The following ST18 variants were observed in gnomAD, a reference collection of about 807,000 sequenced individuals.
ST18 encodes ST18 C2H2C-type zinc finger transcription factor.
A neutral mutation model predicts 110.0 loss-of-function variants in ST18; 50 were observed. The observed-to-expected ratio is 0.45, with a 90% CI of 0.36 to 0.58. ST18 has a LOEUF of 0.58. Among genes scored for constraint, ST18 ranks in the 20% least tolerant of loss-of-function variants. The probability of loss-of-function intolerance (pLI) is 0.00; values close to 1 mark genes in which losing one functional copy is unlikely to be tolerated. For synonymous variants in ST18, 461 were observed against 452.4 expected (o/e 1.02, Z -0.24); for missense variants, 1,306 against 1,280.1 (o/e 1.02, Z -0.31).
intron 25 of ST18, among the ~76,000 whole-genome samples, chr8:52,115,956 T>C (rs1030836644): frequency 3.9e-5 from 6 of 152,168 alleles, no homozygotes; most frequent in Non-Finnish European, 8.8e-5. Context: ...TGGAATCTTC[T>C]ACTTGGAAAT....
At chr8:52,179,055 T>A (rs1028475021) in intron 9 of ST18, among the ~76,000 whole-genome samples, 19 of 152,232 alleles carry the variant, frequency 1.2e-4, no homozygotes, top group Non-Finnish European at 2.6e-4. Flanking sequence ...TACTTATTTT[T>A]AAATAACAAG....
chr8:52,343,930 G>A (rs565265008), intron 2 of ST18, among the ~76,000 whole-genome samples: 1 of 152,228 alleles, frequency 6.6e-6, no homozygotes, highest in Non-Finnish European at 1.5e-5. Context: ...TAAACACACA[G>A]TGTGGCTATG....
chr8:52,198,467 C>T (rs75396790), intron 8 of ST18, among the ~76,000 whole-genome samples: 1 of 152,240 alleles, frequency 6.6e-6, no homozygotes, highest in East Asian at 1.9e-4. Flanking sequence ...ATGAATAAGA[C>T]TTGTTTGATA....
At chr8:52,225,548 A>G (rs1425713506) in intron 3 of ST18, among the ~76,000 whole-genome samples, 2 of 152,320 alleles carry the variant, frequency 1.3e-5, no homozygotes, top group Non-Finnish European at 2.9e-5. Context: ...TAATTGAGTC[A>G]TCACACAAAG....
chr8:52,220,314 G>A (rs2086149872), intron 5 of ST18, among the ~76,000 whole-genome samples: 1 of 152,138 alleles, frequency 6.6e-6, no homozygotes, highest in African/African-American at 2.4e-5. Flanking sequence ...ACTTTTTAGT[G>A]TTTGCATAAA....
Position 52,180,171 on chromosome 8 carries a change from G to A in ST18, c.228C>T (p.Asp76=), listed in dbSNP as rs753338847. The stretch of plus-strand genomic sequence containing the variant: ...CCAAGGGGCCATCGTCCTCTGTCCT[G>A]TCACTGCGGTCTTCTTGGCAGTCTG... ...PKADCQEDRS[D]RTEDDGPLET... Residue 76 remains aspartate (D), a synonymous_variant, in exon 9 of 26, where the codon GAC becomes GAT. Coordinates refer to ENST00000689386, the MANE Select transcript of ST18 (RefSeq NM_001352837.2). The A allele has an allele frequency of 1.9e-6, 3 of 1,614,120 alleles. No individual in the cohort carries two copies. Among genetic ancestry groups the A allele is most frequent in the East Asian group, 2.2e-5 (1 of 44,876 alleles).
chr8:52,131,929 A>G (rs371033097), intron 22 of ST18, 29 bp downstream of exon 22: 50 of 1,610,536 alleles, frequency 3.1e-5, no homozygotes, highest in Non-Finnish European at 4.0e-5. Flanking sequence ...TCACAACACT[A>G]CAACAAAAAG....
intron 2 of ST18, among the ~76,000 whole-genome samples, chr8:52,364,028 C>T (rs1301189954): frequency 3.3e-5 from 5 of 152,134 alleles, no homozygotes; most frequent in Non-Finnish European, 7.3e-5. Context: ...ACTGTGGTAT[C>T]GATTACATTA....
At chr8:52,247,994 A>C (rs1396085417) in intron 2 of ST18, among the ~76,000 whole-genome samples, 5 of 152,204 alleles carry the variant, frequency 3.3e-5, no homozygotes, top group Non-Finnish European at 7.4e-5. Context: ...CTCTACAGAC[A>C]CACATATAGT....
chr8:52,167,108 T>C (rs2063266365), intron 10 of ST18, 122 bp from the exon 11 acceptor site: 1 of 1,320,840 alleles, frequency 7.6e-7, no homozygotes, highest in African/African-American at 1.5e-5. Flanking sequence ...AACATTCTTC[T>C]CACATCGCCT....
Position 52,297,174 on chromosome 8 carries a change from G to A in ST18, c.-464-67097C>T, listed in dbSNP as rs149892267. ...CTGCATGCTGACAGTGCAGTGCAGC[G>A]CAGGCTGTGGGGGGTGCAGTCCGCA... On this transcript the variant is annotated intron_variant, in intron 2 of 25. Coordinates refer to ENST00000689386, the MANE Select transcript of ST18 (RefSeq NM_001352837.2). Among the ~76,000 whole-genome samples the A allele has an allele frequency of 4.7e-4, 71 of 152,290 alleles. No individual in the cohort carries two copies. In the East Asian group the frequency reaches 0.012, roughly 25 times the overall value.
chr8:52,151,783 A>G (rs1403972915), intron 15 of ST18, among the ~76,000 whole-genome samples: 5 of 152,230 alleles, frequency 3.3e-5, no homozygotes, highest in Non-Finnish European at 7.3e-5. Flanking sequence ...TTCATAAAAA[A>G]ATAAAAAAAA....
intron 15 of ST18, chr8:52,151,002 T>A (rs868757562): frequency 4.6e-5 from 7 of 152,240 alleles, no homozygotes; most frequent in African/African-American, 1.7e-4. Context: ...TTTTTCTAAA[T>A]GGGTCGAATA....
rs117759555 is a variant in ST18, at chr8:52,167,468, G to A, written c.1070-482C>T. 5.7e-4 allele frequency among the ~76,000 whole-genome samples: 87 copies of A among 152,370 alleles called. No homozygotes were observed. In the East Asian group the frequency reaches 0.014, roughly 25 times the overall value. On this transcript the variant is annotated intron_variant, in intron 10 of 25. Transcript: ENST00000689386. The stretch of plus-strand genomic sequence containing the variant: ...GCCCTGCAGGTCCTTGGGCTTGGTA[G>A]TGAAGAGCAGAGCCTGCTCCCTGCA...
At chr8:52,117,819 G>A (rs1381315531) in intron 24 of ST18, among the ~76,000 whole-genome samples, 2 of 152,180 alleles carry the variant, frequency 1.3e-5, no homozygotes, top group Non-Finnish European at 2.9e-5. Context: ...GGACTGAACT[G>A]TTGATTTCCA....
At chr8:52,275,150 A>C (rs1019963684) in intron 2 of ST18, among the ~76,000 whole-genome samples, 34 of 152,178 alleles carry the variant, frequency 2.2e-4, no homozygotes, top group Admixed American at 2.1e-3. Flanking sequence ...AATACTTAAA[A>C]ATAATTTAAT....
intron 8 of ST18, among the ~76,000 whole-genome samples, chr8:52,204,821 T>A (rs566401009): frequency 2.5e-4 from 38 of 152,310 alleles, no homozygotes; most frequent in Non-Finnish European, 4.6e-4. Context: ...TTTAGAGATG[T>A]TAGTGCCTTA....
chr8:52,266,455 G>A (rs2094872849), intron 2 of ST18, among the ~76,000 whole-genome samples: 1 of 152,088 alleles, frequency 6.6e-6, no homozygotes, highest in African/African-American at 2.4e-5. Context: ...GGACAGGTGT[G>A]GAATCCATTG....
chr8:52,204,329 AT>A (rs2079117716), intron 8 of ST18, among the ~76,000 whole-genome samples: 1 of 152,208 alleles, frequency 6.6e-6, no homozygotes, highest in Non-Finnish European at 1.5e-5. Flanking sequence ...TTTCTAAGTA[AT>A]TAGTAAAGTC....
Sources: allele counts gnomAD v4.1 joint callset (sites outside exome capture counted in the v4.1 genomes callset), GRCh38; gene constraint gnomAD v4.1.1; transcripts MANE v1.5; gene names NCBI Gene and HGNC (gene_info 2026-07-23, HGNC 2026-07-21).